The following EVI5 variants were observed in gnomAD, a reference collection of about 807,000 sequenced individuals.
EVI5 encodes the protein ecotropic viral integration site 5 protein homolog.
A neutral mutation model predicts 112.0 loss-of-function variants in EVI5; 73 were observed. The ratio of observed to expected loss-of-function variants is 0.65; its 90% CI spans 0.54 to 0.79. EVI5 has a LOEUF of 0.79. Among genes scored for constraint, EVI5 ranks in the 30% least tolerant of loss-of-function variants. The pLI is 0.00. For synonymous variants in EVI5, 305 were observed against 319.9 expected, an observed-to-expected ratio of 0.95 and a Z score of 0.50; for missense variants, 900 against 968.8, an observed-to-expected ratio of 0.93 and a Z score of 0.94.
intron 1 of EVI5, among the ~76,000 whole-genome samples, chr1:92,762,287 CA>C (rs1177252921): frequency 6.6e-6 from 1 of 152,198 alleles, no homozygotes; most frequent in East Asian, 1.9e-4. Flanking sequence ...AACATGTACA[CA>C]ATGACACATT....
chr1:92,536,075 C>A (rs978546501), intron 19 of EVI5, among the ~76,000 whole-genome samples: 6 of 152,050 alleles, frequency 3.9e-5, no homozygotes, highest in African/African-American at 1.4e-4. Flanking sequence ...CATTAAGAGA[C>A]AAAGTATAAA....
intron 16 of EVI5, among the ~76,000 whole-genome samples, chr1:92,612,851 G>C (rs1652184660): frequency 6.6e-6 from 1 of 151,938 alleles, no homozygotes; most frequent in Non-Finnish European, 1.5e-5. Context: ...GATACAGCTA[G>C]AATAAATATC....
At chr1:92,763,372 C>T (rs1682161556) in intron 1 of EVI5, among the ~76,000 whole-genome samples, 1 of 151,898 alleles carries the variant, frequency 6.6e-6, no homozygotes, top group Non-Finnish European at 1.5e-5. Context: ...TAAACCCTAA[C>T]AGAAACATCG....
intron 1 of EVI5, among the ~76,000 whole-genome samples, chr1:92,748,925 G>A (rs1225708654): frequency 6.6e-6 from 1 of 151,974 alleles, no homozygotes; most frequent in African/African-American, 2.4e-5. Context: ...AATTAGCTGG[G>A]CGTGGTGGCG....
intron 1 of EVI5, among the ~76,000 whole-genome samples, chr1:92,754,891 A>C (rs964358125): frequency 2.0e-5 from 3 of 152,206 alleles, no homozygotes; most frequent in Non-Finnish European, 4.4e-5. Flanking sequence ...CTCATGTGAC[A>C]TATTATGTTC....
At chr1:92,517,059 G>A (rs1420167185) in intron 19 of EVI5, among the ~76,000 whole-genome samples, 4 of 152,148 alleles carry the variant, frequency 2.6e-5, no homozygotes, top group South Asian at 4.1e-4. Flanking sequence ...TGAAATCCCA[G>A]AATATACATT....
At chr1:92,674,623 CG>C (rs1288528094) in intron 10 of EVI5, among the ~76,000 whole-genome samples, 1 of 150,556 alleles carries the variant, frequency 6.6e-6, no homozygotes, top group Admixed American at 6.6e-5. Flanking sequence ...CACCATGGCA[CG>C]TGTATACCTA....
At chr1:92,614,464 G>A (rs895459439) in intron 16 of EVI5, among the ~76,000 whole-genome samples, 2 of 152,194 alleles carry the variant, frequency 1.3e-5, no homozygotes, top group African/African-American at 2.4e-5. Flanking sequence ...GTGTGTCTGT[G>A]AGGGTGTTGC....
intron 9 of EVI5, among the ~76,000 whole-genome samples, chr1:92,687,622 A>C (rs1048865751): frequency 1.3e-5 from 2 of 152,208 alleles, no homozygotes; most frequent in Admixed American, 1.3e-4. Flanking sequence ...AATGGGAGAA[A>C]ATCTTTGCAA....
chr1:92,766,017 G>GTCA (rs1682576887), intron 1 of EVI5, among the ~76,000 whole-genome samples: 1 of 151,176 alleles, frequency 6.6e-6, no homozygotes, highest in Non-Finnish European at 1.5e-5. Flanking sequence ...GGGATTACTT[G>GTCA]AGCCCAAGAG....
At chr1:92,783,649 T>C (rs1250665506) in intron 1 of EVI5, among the ~76,000 whole-genome samples, 1 of 149,550 alleles carries the variant, frequency 6.7e-6, no homozygotes, top group East Asian at 2.0e-4. Context: ...TCATCTCTAC[T>C]AAAAATACAA....
intron 16 of EVI5, among the ~76,000 whole-genome samples, chr1:92,608,261 C>CA (rs1209757947): frequency 6.6e-6 from 1 of 152,058 alleles, no homozygotes; most frequent in East Asian, 1.9e-4. Context: ...ACCATTTATA[C>CA]AAAAAATAGG....
At chr1:92,633,443 T>C (rs1384202638) in intron 14 of EVI5, among the ~76,000 whole-genome samples, 3 of 152,218 alleles carry the variant, frequency 2.0e-5, no homozygotes, top group Non-Finnish European at 2.9e-5. Context: ...TCTTTGTCTC[T>C]TTTGATCTTT....
intron 19 of EVI5, among the ~76,000 whole-genome samples, chr1:92,551,205 C>A (rs1666885760): frequency 1.3e-5 from 2 of 151,678 alleles, no homozygotes; most frequent in South Asian, 4.2e-4. Context: ...CCACACCCAG[C>A]TAATTTTTGT....
At chr1:92,701,173 A>G (rs978769673) in intron 5 of EVI5, among the ~76,000 whole-genome samples, 1 of 152,188 alleles carries the variant, frequency 6.6e-6, no homozygotes, top group Non-Finnish European at 1.5e-5. Flanking sequence ...AGAGCTTTAA[A>G]ACTCAAAGCA....
chr1:92,688,275 T>A (rs1668894125), intron 9 of EVI5, among the ~76,000 whole-genome samples: 1 of 152,064 alleles, frequency 6.6e-6, no homozygotes, highest in Non-Finnish European at 1.5e-5. Context: ...ACACAAACTA[T>A]CACAAGGACA....
chr1:92,516,086 C>A (rs1043124342), intron 19 of EVI5, among the ~76,000 whole-genome samples: 1 of 152,212 alleles, frequency 6.6e-6, no homozygotes, highest in African/African-American at 2.4e-5. Context: ...TGCATTGTTA[C>A]AACTGCCACG....
chr1:92,520,385 T>C (rs1458187899), intron 19 of EVI5, among the ~76,000 whole-genome samples: 3 of 152,182 alleles, frequency 2.0e-5, no homozygotes, highest in African/African-American at 7.2e-5. Flanking sequence ...GACAGTTATA[T>C]AATTCTAATG....
chr1:92,747,494 A>C (rs1679452727), intron 1 of EVI5, among the ~76,000 whole-genome samples: 1 of 152,076 alleles, frequency 6.6e-6, no homozygotes, highest in Admixed American at 6.6e-5. Context: ...TAGGTGGATC[A>C]CTTGAGATCA....
Sources: gnomAD v4.1 joint callset for allele counts (sites outside exome capture counted in the v4.1 genomes callset) on GRCh38, gnomAD v4.1.1 for gene constraint, MANE v1.5 for transcripts, NCBI Gene and HGNC (gene_info 2026-07-23, HGNC 2026-07-21) for gene names.